The following HHLA1 variants were observed in gnomAD, a reference collection of about 807,000 sequenced individuals.
HHLA1 encodes HERV-H LTR-associating protein 1.
In HHLA1, 72 loss-of-function variants were observed where a neutral mutation model predicts 69.9. That is an observed-to-expected ratio of 1.03 (90% CI 0.85 to 1.25). The LOEUF (loss-of-function observed/expected upper bound fraction) is 1.25. HHLA1 is among the 50% of genes most tolerant of loss of function. The pLI is 0.00. For synonymous variants in HHLA1, 252 were observed against 233.2 expected (o/e 1.08, Z -0.73); for missense variants, 685 against 642.2 (o/e 1.07, Z -0.72).
chr8:132,104,146 G>A lies in HHLA1; in HGVS notation c.101C>T (p.Ala34Val), dbSNP rs200396937. 3.9e-6 allele frequency: 6 copies of A among 1,550,758 alleles called. No individual in the cohort carries two copies. Among genetic ancestry groups the A allele is most frequent in the African/African-American group, 2.7e-5 (2 of 73,134 alleles). Residue 34 changes from alanine (A) to valine (V), a missense_variant, in exon 3 of 17, where the codon GCC becomes GTC. Coordinates refer to ENST00000414222, the MANE Select transcript of HHLA1 (RefSeq NM_001145095.3). The stretch of plus-strand genomic sequence containing the variant: ...AAAGGTCATTCCCTTCTCTTTCTTG[G>A]CTTCTCCTTTGATGCCAGACACTAA... ...WNTVSGIKGE[A>V]KKEKGMTFLP...
Position 132,095,720 on chromosome 8 carries a change from G to T in HHLA1, c.347C>A (p.Ser116Tyr). ...SYSSFAFHKF[S>Y]VAVYNISNLK... ...GCACTCACTGTTGTAAACAGCTACA[G>T]AAAACTTGTGGAAGGCGAAGGAACT... Residue 116 changes from serine to tyrosine, a missense_variant, in exon 6 of 17, where the codon TCT (serine) becomes TAT (tyrosine). Coordinates refer to ENST00000414222, the MANE Select transcript of HHLA1 (RefSeq NM_001145095.3). The T allele has an allele frequency of 6.4e-7, 1 of 1,551,182 alleles. No individual in the cohort carries two copies.
At chr8:132,087,116 G>T (rs1201982489) in intron 10 of HHLA1, among the ~76,000 whole-genome samples, 2 of 152,216 alleles carry the variant, frequency 1.3e-5, no homozygotes, top group African/African-American at 4.8e-5. Context: ...ATTTAAAAAA[G>T]AGGAGGTAGT....
At chr8:132,079,684 G>A (rs1017579518) in intron 11 of HHLA1, 34 bp downstream of exon 11, 1 of 1,512,782 alleles carries the variant, frequency 6.6e-7, no homozygotes, top group South Asian at 1.3e-5. Context: ...GCGAGACATA[G>A]CAAAGGGGAG....
At chr8:132,086,404 G>T (rs1201850213) in intron 10 of HHLA1, among the ~76,000 whole-genome samples, 1 of 152,124 alleles carries the variant, frequency 6.6e-6, no homozygotes, top group Non-Finnish European at 1.5e-5. Context: ...GTGCTACTTG[G>T]CCCATTAACA....
At chr8:132,097,588 C>G (rs1457053878) in intron 5 of HHLA1, among the ~76,000 whole-genome samples, 1 of 152,172 alleles carries the variant, frequency 6.6e-6, no homozygotes. Flanking sequence ...CAGGGCCTTG[C>G]AGAGGAAAGG....
chr8:132,071,352 G>C lies in HHLA1; in HGVS notation c.1457C>G (p.Thr486Arg). 1 of 1,551,548 alleles carries C rather than the reference G, an allele frequency of 6.4e-7. No homozygotes were observed. ...CLCMSQRSPR[T>R]EDMRYCLEYY... is the part of the protein sequence containing the mutation. Reference sequence around the variant, plus strand: ...TGGGCCAAGTTACCTCATGTCCTCTGTCCTGGGACTCCTCTGGCTCATGCA... The same window carrying C: ...TGGGCCAAGTTACCTCATGTCCTCTCTCCTGGGACTCCTCTGGCTCATGCA... The change falls in exon 15 of 17, where the codon ACA becomes AGA. Residue 486 changes from threonine (T) to arginine (R), a missense_variant. Thr to Arg is a moderately conservative substitution (Grantham distance 71). Transcript: ENST00000414222.
chr8:132,078,183 C>CACAT (rs747545729), intron 11 of HHLA1, among the ~76,000 whole-genome samples: 21 of 150,442 alleles, frequency 1.4e-4, no homozygotes, highest in Non-Finnish European at 2.7e-4. Context: ...CACACACACA[C>CACAT]ACACACACAC....
At chr8:132,067,690 C>A (rs557929778) in intron 15 of HHLA1, among the ~76,000 whole-genome samples, 27 of 152,330 alleles carry the variant, frequency 1.8e-4, no homozygotes, top group African/African-American at 6.3e-4. Context: ...CATGCAGGAA[C>A]AATTAGATAT....
intron 7 of HHLA1, among the ~76,000 whole-genome samples, chr8:132,095,020 T>C (rs1440326551): frequency 6.6e-6 from 1 of 152,258 alleles, no homozygotes; most frequent in Non-Finnish European, 1.5e-5. Context: ...AAGGCTCTTT[T>C]AACCAACATT....
intron 5 of HHLA1, among the ~76,000 whole-genome samples, chr8:132,098,414 CCTT>C (rs1203790897): frequency 2.6e-5 from 4 of 152,088 alleles, no homozygotes; most frequent in Non-Finnish European, 5.9e-5. Flanking sequence ...TTCTTGTAAA[CCTT>C]CTACGTCATT....
intron 10 of HHLA1, among the ~76,000 whole-genome samples, chr8:132,086,710 G>A (rs938627416): frequency 1.1e-4 from 16 of 152,218 alleles, no homozygotes; most frequent in Middle Eastern, 3.4e-3. Context: ...CCTGAGAATC[G>A]GGCAGGTGAA....
intron 8 of HHLA1, among the ~76,000 whole-genome samples, chr8:132,089,227 T>A (rs559971095): frequency 2.0e-5 from 3 of 152,200 alleles, no homozygotes; most frequent in East Asian, 3.9e-4. Flanking sequence ...AAAATGGGGG[T>A]ATATCTACTC....
chr8:132,105,068 T>C (rs1824181302), intron 2 of HHLA1, 119 bp downstream of exon 2: 1 of 784,770 alleles, frequency 1.3e-6, no homozygotes, highest in Admixed American at 2.3e-5. Context: ...TCTTGCCATT[T>C]TGAACAAATT....
chr8:132,104,533 G>A (rs1824172383), intron 2 of HHLA1, among the ~76,000 whole-genome samples: 1 of 152,204 alleles, frequency 6.6e-6, no homozygotes, highest in South Asian at 2.1e-4. Context: ...GTTGAGCTGA[G>A]CTCTGAAGAA....
rs1824069204 is a variant in HHLA1 at position 132,098,951 on chromosome 8, T to C, written c.211A>G (p.Arg71Gly). ...TTAAGCGCGGACAGATCGATTGACCTTGCGGGCAGCTCTGAAAGAGATTCA... is the reference window on the plus strand; with the variant it reads ...TTAAGCGCGGACAGATCGATTGACCCTGCGGGCAGCTCTGAAAGAGATTCA... Reference protein sequence around the residue: ...AFLATTELPARSIDLSALNLT... With the variant: ...AFLATTELPAGSIDLSALNLT... Residue 71 changes from arginine (R) to glycine (G), a missense_variant, in exon 5 of 17, where the codon AGG becomes GGG. Coordinates refer to ENST00000414222, the MANE Select transcript of HHLA1 (RefSeq NM_001145095.3). The C allele has an allele frequency of 6.5e-7, 1 of 1,550,148 alleles. No homozygotes were observed. The highest frequency in any genetic ancestry group is 8.7e-7 in the Non-Finnish European group (1 of 1,145,978).
At chr8:132,086,648 G>T (rs1003070617) in intron 10 of HHLA1, among the ~76,000 whole-genome samples, 25 of 152,286 alleles carry the variant, frequency 1.6e-4, no homozygotes, top group African/African-American at 5.3e-4. Flanking sequence ...TGGTGGGAAT[G>T]TCATGGAAAG....
intron 10 of HHLA1, among the ~76,000 whole-genome samples, chr8:132,087,052 C>A (rs140506003): frequency 3.3e-4 from 51 of 152,294 alleles, no homozygotes; most frequent in Middle Eastern, 3.4e-3. Flanking sequence ...AAATGACATA[C>A]AAGTGCTGTG....
chr8:132,080,165 C>G (rs1476715191), intron 10 of HHLA1, 199 bp from the exon 11 acceptor site: 2 of 726,784 alleles, frequency 2.8e-6, no homozygotes, highest in Admixed American at 4.1e-5. Context: ...CCCTCAGCCT[C>G]TCCAGGACTC....
At position 132,104,186 on chromosome 8, in the gene HHLA1, A is replaced by C. The variant is rs1316828713; in HGVS notation, c.80-19T>G. On this transcript the variant is annotated intron_variant, in intron 2 of 16. Coordinates refer to ENST00000414222, the MANE Select transcript of HHLA1 (RefSeq NM_001145095.3). Reference sequence around the variant, plus strand: ...CCAGACACTAAAGTAAAAAAGGTTTAATCACAGAAATTATAACCAAGACAT... The same window carrying C: ...CCAGACACTAAAGTAAAAAAGGTTTCATCACAGAAATTATAACCAAGACAT... The C allele has an allele frequency of 1.3e-6, 2 of 1,524,792 alleles. No homozygotes were observed. Among genetic ancestry groups the C allele is most frequent in the Middle Eastern group, 1.7e-4 (1 of 5,910 alleles). 94.5% of individuals were successfully genotyped at this position (1,524,792 alleles called of 1,614,324 possible). A position where few individuals can be genotyped will look rare whatever the true frequency, so the allele number is the denominator to read the frequency against.
Sources: allele counts gnomAD v4.1 joint callset (sites outside exome capture counted in the v4.1 genomes callset), GRCh38; gene constraint gnomAD v4.1.1; transcripts MANE v1.5; gene names NCBI Gene and HGNC (gene_info 2026-07-23, HGNC 2026-07-21).